The following FSTL5 variants were observed in gnomAD, a reference collection of about 807,000 sequenced individuals.
FSTL5 encodes follistatin like 5, also known as follistatin-related protein 5.
Under a neutral mutation model 89.1 loss-of-function variants are expected in FSTL5, and 62 were observed. The observed-to-expected ratio is 0.70, with a 90% CI of 0.57 to 0.86. FSTL5 has a LOEUF of 0.86. Among genes scored for constraint, FSTL5 ranks in the 40% least tolerant of loss-of-function variants. The pLI, the probability that FSTL5 is intolerant of heterozygous loss-of-function variation, is 0.00. For synonymous variants in FSTL5, 383 were observed against 346.2 expected (o/e 1.11, Z -1.18); for missense variants, 1,057 against 1,001.6 (o/e 1.06, Z -0.75).
At chr4:161,454,304 G>C (rs1733274048) in intron 15 of FSTL5, among the ~76,000 whole-genome samples, 1 of 152,058 alleles carries the variant, frequency 6.6e-6, no homozygotes. Context: ...TGTTTCAACA[G>C]ATTTTAAAGA....
intron 3 of FSTL5, among the ~76,000 whole-genome samples, chr4:162,011,090 TG>T (rs1224172491): frequency 2.0e-5 from 3 of 152,164 alleles, no homozygotes; most frequent in Non-Finnish European, 4.4e-5. Flanking sequence ...ACACATCTGA[TG>T]TTTTTTTATT....
At chr4:161,603,070 G>A (rs115768865) in intron 7 of FSTL5, among the ~76,000 whole-genome samples, 3,813 of 152,100 alleles carry the variant, frequency 0.025, 48 homozygotes, top group South Asian at 0.036. Flanking sequence ...AACAACAACA[G>A]GAAAAAAGAT....
intron 10 of FSTL5, among the ~76,000 whole-genome samples, chr4:161,513,293 G>C (rs1730712515): frequency 7.3e-6 from 1 of 137,420 alleles, no homozygotes; most frequent in Non-Finnish European, 1.6e-5. Context: ...GAGAGAGAGA[G>C]AGAGAGAGAG....
intron 13 of FSTL5, among the ~76,000 whole-genome samples, chr4:161,459,908 G>A (rs994504493): frequency 6.6e-6 from 1 of 151,378 alleles, no homozygotes; most frequent in Non-Finnish European, 1.5e-5. Flanking sequence ...TATGCACCAT[G>A]CTTGGTATGA....
At chr4:161,909,505 A>G (rs538674928) in intron 4 of FSTL5, among the ~76,000 whole-genome samples, 39 of 152,150 alleles carry the variant, frequency 2.6e-4, no homozygotes, top group African/African-American at 9.1e-4. Context: ...TAGAATTCCT[A>G]CACTACACCA....
chr4:161,534,259 A>T (rs1215615618), intron 10 of FSTL5, among the ~76,000 whole-genome samples: 1 of 152,098 alleles, frequency 6.6e-6, no homozygotes, highest in African/African-American at 2.4e-5. Flanking sequence ...GAAATAAAAG[A>T]CATCCAAATA....
At chr4:161,754,397 T>C (rs570507085) in intron 6 of FSTL5, among the ~76,000 whole-genome samples, 158 of 152,276 alleles carry the variant, frequency 1.0e-3, no homozygotes, top group Non-Finnish European at 1.8e-3. Flanking sequence ...TATATATGTA[T>C]ATGGTTTTGG....
intron 6 of FSTL5, among the ~76,000 whole-genome samples, chr4:161,745,973 T>C (rs1740189185): frequency 6.6e-6 from 1 of 152,176 alleles, no homozygotes; most frequent in African/African-American, 2.4e-5. Flanking sequence ...AAATGTTAAA[T>C]TTTAACTTTA....
At chr4:161,739,082 A>G (rs1739913957) in intron 6 of FSTL5, among the ~76,000 whole-genome samples, 1 of 152,188 alleles carries the variant, frequency 6.6e-6, no homozygotes, top group African/African-American at 2.4e-5. Flanking sequence ...TACTTGTGTT[A>G]TGTGTTTAAC....
At position 162,012,453 on chromosome 4, in the gene FSTL5, A is replaced by G. The variant is rs536406308; in HGVS notation, c.160+21172T>C. On this transcript the variant is annotated intron_variant, in intron 3 of 15. Transcript: ENST00000306100. ...TCAAGTAAACATGGATTATTACTGA[A>G]TAGAAAATTACAGTGAAAATGAAAT... is the stretch of plus-strand genomic sequence containing the variant. Among the ~76,000 whole-genome samples, 38 of 152,330 alleles carry G rather than the reference A, an allele frequency of 2.5e-4. 1 individual carries two copies. The highest frequency in any genetic ancestry group is 2.6e-4 in the Non-Finnish European group (18 of 68,024).
intron 15 of FSTL5, among the ~76,000 whole-genome samples, chr4:161,447,154 A>G (rs755888203): frequency 3.3e-5 from 5 of 152,030 alleles, no homozygotes; most frequent in Admixed American, 6.6e-5. Flanking sequence ...TGCAATGTGG[A>G]GTGTTTCTAA....
intron 8 of FSTL5, among the ~76,000 whole-genome samples, chr4:161,551,426 G>A (rs938147354): frequency 5.3e-5 from 8 of 151,236 alleles, no homozygotes; most frequent in African/African-American, 1.5e-4. Context: ...CTTTTTGATG[G>A]GGTTGTTTGT....
chr4:161,927,085 T>G (rs1297010535), intron 3 of FSTL5, among the ~76,000 whole-genome samples: 3 of 151,780 alleles, frequency 2.0e-5, no homozygotes, highest in African/African-American at 7.2e-5. Flanking sequence ...TGAGTGACAC[T>G]CAGAAAAAAG....
rs375485128 is a variant in FSTL5, at chr4:161,539,360, T to C, written c.1178-1060A>G. On this transcript the variant is annotated intron_variant, in intron 9 of 15. Coordinates refer to ENST00000306100, the MANE Select transcript of FSTL5 (RefSeq NM_020116.5). ...GAAAGCCAATGAGAAAACAGCTTGA[T>C]TGCCATCGCTAGGAGCCAGTAGCTC... Among the ~76,000 whole-genome samples, 4 of 152,160 alleles carry C rather than the reference T, an allele frequency of 2.6e-5. No individual in the cohort carries two copies. The East Asian group carries it at 7.8e-4, about 29-fold the overall frequency.
chr4:162,006,605 G>A (rs1205988753), intron 3 of FSTL5, among the ~76,000 whole-genome samples: 1 of 151,802 alleles, frequency 6.6e-6, no homozygotes, highest in Non-Finnish European at 1.5e-5. Flanking sequence ...TATCCAGTTG[G>A]TAACAAGAAA....
At chr4:162,117,189 T>C (rs1731675617) in intron 1 of FSTL5, among the ~76,000 whole-genome samples, 1 of 152,220 alleles carries the variant, frequency 6.6e-6, no homozygotes, top group African/African-American at 2.4e-5. Context: ...ACTTCTAGAC[T>C]ACCTTGGGTC....
At chr4:161,761,859 T>C (rs192828137) in intron 5 of FSTL5, among the ~76,000 whole-genome samples, 5 of 152,330 alleles carry the variant, frequency 3.3e-5, no homozygotes, top group African/African-American at 1.2e-4. Flanking sequence ...ATATTTCAAA[T>C]ATTTGCTCTT....
At chr4:161,563,562 T>C (rs1732682684) in intron 8 of FSTL5, among the ~76,000 whole-genome samples, 1 of 151,952 alleles carries the variant, frequency 6.6e-6, no homozygotes, top group African/African-American at 2.4e-5. Context: ...TGCTTCTTTA[T>C]TATTATTTCT....
intron 7 of FSTL5, among the ~76,000 whole-genome samples, chr4:161,647,676 G>A (rs1736198007): frequency 6.6e-6 from 1 of 152,114 alleles, no homozygotes; most frequent in East Asian, 1.9e-4. Flanking sequence ...TGATACAGGA[G>A]TGATGGGAAG....
Sources: gnomAD v4.1 joint callset for allele counts (sites outside exome capture counted in the v4.1 genomes callset) on GRCh38, gnomAD v4.1.1 for gene constraint, MANE v1.5 for transcripts, NCBI Gene and HGNC (gene_info 2026-07-23, HGNC 2026-07-21) for gene names.